Variants in COMMD1 observed in about 807,000 individuals in gnomAD.
COMMD1 encodes copper metabolism domain containing 1, also known as COMM domain-containing protein 1.
COMMD1 carries 10 observed loss-of-function variants against 17.2 expected under a neutral mutation model. That is an observed-to-expected ratio of 0.58 (90% confidence interval 0.36 to 0.99). The LOEUF (loss-of-function observed/expected upper bound fraction) is 0.99. Ranked by LOEUF, COMMD1 falls within the 50% of genes least tolerant of loss-of-function variation. The pLI, the probability that COMMD1 is intolerant of heterozygous loss-of-function variation, is 0.01. For synonymous variants in COMMD1, 97 were observed against 91.6 expected, an observed-to-expected ratio of 1.06 and a Z score of -0.34; for missense variants, 270 against 231.8, an observed-to-expected ratio of 1.17 and a Z score of -1.07.
chr2:62,009,621 A>G (rs1669224305), intron 2 of COMMD1, among the ~76,000 whole-genome samples: 1 of 151,670 alleles, frequency 6.6e-6, no homozygotes, highest in South Asian at 2.1e-4. Context: ...AAAAAAAAGA[A>G]AGAATAAGAA....
At chr2:61,888,995 C>T (rs1192189703) in intron 1 of COMMD1, among the ~76,000 whole-genome samples, 4 of 151,080 alleles carry the variant, frequency 2.6e-5, no homozygotes, top group Admixed American at 1.3e-4. Flanking sequence ...CAGCCTCCGC[C>T]TCCCAGGTTC....
intron 1 of COMMD1, among the ~76,000 whole-genome samples, chr2:61,893,164 G>A (rs1669475492): frequency 6.6e-6 from 1 of 151,942 alleles, no homozygotes; most frequent in East Asian, 1.9e-4. Flanking sequence ...ACCATGCCTG[G>A]CCTCATTCTA....
intron 1 of COMMD1, among the ~76,000 whole-genome samples, chr2:61,921,000 C>G (rs1177595229): frequency 2.3e-5 from 3 of 132,828 alleles, no homozygotes; most frequent in African/African-American, 6.2e-5. Flanking sequence ...TTTTTTGAGA[C>G]AGAGCCTTAC....
chr2:62,065,461 C>T (rs897024268), intron 2 of COMMD1, among the ~76,000 whole-genome samples: 1 of 143,986 alleles, frequency 6.9e-6, no homozygotes, highest in Non-Finnish European at 1.5e-5. Context: ...GTGGCTGGAA[C>T]AACAGCCATG....
At chr2:62,090,253 G>A (rs1671790522) in intron 2 of COMMD1, among the ~76,000 whole-genome samples, 2 of 152,118 alleles carry the variant, frequency 1.3e-5, no homozygotes, top group African/African-American at 2.4e-5. Flanking sequence ...GGCATCCAAG[G>A]TTATAGGTAG....
At chr2:62,126,125 T>C (rs1008857022) in intron 2 of COMMD1, among the ~76,000 whole-genome samples, 1 of 152,244 alleles carries the variant, frequency 6.6e-6, no homozygotes, top group Non-Finnish European at 1.5e-5. Flanking sequence ...GACTGCATAG[T>C]ATTCCATGGT....
intron 2 of COMMD1, among the ~76,000 whole-genome samples, chr2:62,130,330 A>G (rs1260409936): frequency 2.7e-5 from 4 of 148,356 alleles, no homozygotes; most frequent in Non-Finnish European, 5.9e-5. Flanking sequence ...GCTGGAGTGC[A>G]GTGGCGCAGT....
At chr2:62,132,229 T>G (rs1201781836) in intron 2 of COMMD1, among the ~76,000 whole-genome samples, 1 of 152,186 alleles carries the variant, frequency 6.6e-6, no homozygotes, top group African/African-American at 2.4e-5. Context: ...GTATTTGGCA[T>G]CCCTCAAAAA....
chr2:61,929,273 G>A (rs1003583967), intron 1 of COMMD1, among the ~76,000 whole-genome samples: 2 of 152,190 alleles, frequency 1.3e-5, no homozygotes, highest in Non-Finnish European at 2.9e-5. Context: ...GAAAGTCCTT[G>A]GAAACTGTTC....
rs867963677 is a variant in COMMD1, at chr2:61,951,244, G to C, written c.180+45386G>C. Reference sequence around the variant, plus strand: ...TTCGGGAGGTGGAGGCGGGTGGATAGGTTGAGGCCAGGAGTTCAAGACCAG... The same window carrying C: ...TTCGGGAGGTGGAGGCGGGTGGATACGTTGAGGCCAGGAGTTCAAGACCAG... On this transcript the variant is annotated intron_variant, in intron 1 of 2. Transcript: ENST00000311832. Among the ~76,000 whole-genome samples the C allele has an allele frequency of 3.3e-5, 5 of 152,198 alleles. 1 individual carries two copies. In the Middle Eastern group the frequency reaches 0.017, roughly 518 times the overall value.
intron 2 of COMMD1, among the ~76,000 whole-genome samples, chr2:62,054,095 A>C (rs1670619793): frequency 6.6e-6 from 1 of 152,194 alleles, no homozygotes; most frequent in African/African-American, 2.4e-5. Context: ...CAGGTATATG[A>C]AAAAAATGCT....
chr2:61,938,461 G>A (rs1670656863), intron 1 of COMMD1, among the ~76,000 whole-genome samples: 1 of 152,160 alleles, frequency 6.6e-6, no homozygotes, highest in Non-Finnish European at 1.5e-5. Flanking sequence ...ACATGGGAAA[G>A]AGGCGAGCTT....
At chr2:61,963,429 T>G (rs1409754657) in intron 1 of COMMD1, among the ~76,000 whole-genome samples, 1 of 152,090 alleles carries the variant, frequency 6.6e-6, no homozygotes, top group Non-Finnish European at 1.5e-5. Flanking sequence ...CCATCTCGGC[T>G]CACTGCAACC....
rs988108303 is a variant in COMMD1, at chr2:61,936,942, A to G, written c.180+31084A>G. ...TTTATACAATTTAGGGAGACCTAAT[A>G]TATCAGTCAATACGTGTGAGATTTA... On this transcript the variant is annotated intron_variant, in intron 1 of 2. Coordinates refer to ENST00000311832, the MANE Select transcript of COMMD1 (RefSeq NM_152516.4). Among the ~76,000 whole-genome samples the G allele has an allele frequency of 3.3e-5, 5 of 152,310 alleles. No individual in the cohort carries two copies. The South Asian group carries it at 6.2e-4, about 19-fold the overall frequency.
At chr2:62,036,087 CACAA>C (rs754380352) in intron 2 of COMMD1, among the ~76,000 whole-genome samples, 7 of 148,728 alleles carry the variant, frequency 4.7e-5, no homozygotes, top group African/African-American at 1.8e-4. Context: ...CACACACACA[CACAA>C]AGTTAGGATG....
At chr2:62,030,545 G>T (rs561174865) in intron 2 of COMMD1, among the ~76,000 whole-genome samples, 2 of 152,218 alleles carry the variant, frequency 1.3e-5, no homozygotes, top group South Asian at 4.1e-4. Flanking sequence ...AGTGTCTCCT[G>T]GGGGCAAAAA....
intron 1 of COMMD1, among the ~76,000 whole-genome samples, chr2:61,892,230 G>A (rs941970571): frequency 6.6e-6 from 1 of 151,868 alleles, no homozygotes; most frequent in Non-Finnish European, 1.5e-5. Flanking sequence ...GCATATGTGG[G>A]AATGTTGGCA....
intron 2 of COMMD1, among the ~76,000 whole-genome samples, chr2:62,001,912 A>G (rs1354564461): frequency 6.6e-6 from 1 of 152,086 alleles, no homozygotes; most frequent in African/African-American, 2.4e-5. Context: ...TTATGCCTGT[A>G]ACCCCAGCAC....
At chr2:61,989,438 C>T (rs991884871) in intron 1 of COMMD1, among the ~76,000 whole-genome samples, 1 of 151,864 alleles carries the variant, frequency 6.6e-6, no homozygotes, top group African/African-American at 2.4e-5. Context: ...TCCATTCCCT[C>T]GCCCCCAAAC....
Sources: allele counts gnomAD v4.1 joint callset (sites outside exome capture counted in the v4.1 genomes callset), GRCh38; gene constraint gnomAD v4.1.1; transcripts MANE v1.5; gene names NCBI Gene and HGNC (gene_info 2026-07-23, HGNC 2026-07-21).